SNX29: variants seen among roughly 807,000 people sequenced by gnomAD.
SNX29 encodes the protein sorting nexin-29.
A neutral mutation model predicts 102.1 loss-of-function variants in SNX29; 78 were observed. That is an observed-to-expected ratio of 0.76 (90% CI 0.64 to 0.92). The LOEUF (loss-of-function observed/expected upper bound fraction) is 0.92, where lower values mean the gene tolerates loss of function less well. Among genes scored for constraint, SNX29 ranks in the 40% least tolerant of loss-of-function variants. The probability of loss-of-function intolerance (pLI) is 0.00; values close to 1 mark genes in which losing one functional copy is unlikely to be tolerated. For missense variants in SNX29, 1,280 were observed against 1,061.7 expected, an observed-to-expected ratio of 1.21 and a Z score of -2.86; for synonymous variants, 580 against 414.5, an observed-to-expected ratio of 1.40 and a Z score of -4.85.
At chr16:12,286,820 G>C (rs2151044999) in intron 15 of SNX29, among the ~76,000 whole-genome samples, 1 of 152,132 alleles carries the variant, frequency 6.6e-6, no homozygotes, top group South Asian at 2.1e-4. Flanking sequence ...ATGGTATTTT[G>C]AAGAAAATCC....
intron 14 of SNX29, among the ~76,000 whole-genome samples, chr16:12,209,906 G>T (rs769977706): frequency 2.5e-4 from 38 of 152,216 alleles, no homozygotes; most frequent in Non-Finnish European, 4.7e-4. Context: ...TCTGCGTGGG[G>T]CTGAGAAGGG....
At chr16:12,272,655 A>G (rs1274248728) in intron 14 of SNX29, among the ~76,000 whole-genome samples, 1 of 152,158 alleles carries the variant, frequency 6.6e-6, no homozygotes, top group Non-Finnish European at 1.5e-5. Flanking sequence ...TGTGTCTTTA[A>G]ATCAAAACTT....
intron 11 of SNX29, among the ~76,000 whole-genome samples, chr16:12,109,704 A>G (rs1372439252): frequency 6.6e-6 from 1 of 151,268 alleles, no homozygotes; most frequent in Non-Finnish European, 1.5e-5. Flanking sequence ...AGAAGGCTCA[A>G]GGGTTAACCT....
At chr16:12,552,731 T>TAA (rs1367383022) in intron 20 of SNX29, among the ~76,000 whole-genome samples, 1 of 152,236 alleles carries the variant, frequency 6.6e-6, no homozygotes, top group African/African-American at 2.4e-5. Flanking sequence ...AGAGACATGG[T>TAA]ATCTCCAGTG....
At chr16:12,500,476 T>C (rs1296994220) in intron 19 of SNX29, among the ~76,000 whole-genome samples, 4 of 152,194 alleles carry the variant, frequency 2.6e-5, no homozygotes, top group Admixed American at 2.6e-4. Context: ...CTCCACGGGC[T>C]CCTTTTGCTG....
At chr16:12,407,935 G>T (rs1229370231) in intron 18 of SNX29, among the ~76,000 whole-genome samples, 2 of 152,132 alleles carry the variant, frequency 1.3e-5, no homozygotes, top group Non-Finnish European at 2.9e-5. Flanking sequence ...AGCTACGATT[G>T]CATCTGTGAA....
chr16:12,569,414 G>T lies in SNX29; in HGVS notation c.*785G>T. ...GCCATCAGCAGCAACCTAGTAACCC[G>T]GCGTCATCCAGCGTGTCCAAAGTAG... On this transcript the variant is annotated 3_prime_UTR_variant, in exon 21 of 21. Coordinates refer to ENST00000566228, the MANE Select transcript of SNX29 (RefSeq NM_032167.5). 1 of 230,782 alleles carries T rather than the reference G, an allele frequency of 4.3e-6. No homozygotes were observed. Among genetic ancestry groups the T allele is most frequent in the Non-Finnish European group, 8.6e-6 (1 of 116,576 alleles). 14.3% of individuals were successfully genotyped at this position (230,782 alleles called of 1,614,324 possible). A position where few individuals can be genotyped will look rare whatever the true frequency, so the allele number is the denominator to read the frequency against.
chr16:12,525,250 C>A (rs1003666361), intron 20 of SNX29, among the ~76,000 whole-genome samples: 1 of 151,082 alleles, frequency 6.6e-6, no homozygotes, highest in Non-Finnish European at 1.5e-5. Flanking sequence ...CCAGTATTGA[C>A]TTAAATTATT....
chr16:12,518,355 A>G (rs914039508), intron 19 of SNX29, among the ~76,000 whole-genome samples: 15 of 152,144 alleles, frequency 9.9e-5, no homozygotes, highest in Admixed American at 7.9e-4. Context: ...AAACCCAGCC[A>G]CACCGGCTGC....
rs560761676 is a variant in SNX29 at position 12,572,022 on chromosome 16, A to C, written c.*3393A>C. 2 of 1,062,264 alleles carry C rather than the reference A, an allele frequency of 1.9e-6. No homozygotes were observed. The highest frequency in any genetic ancestry group is 4.6e-5 in the South Asian group (1 of 21,930). The allele number at this position is 1,062,264 out of a possible 1,614,324, so 65.8% of individuals were successfully genotyped here. ...TTGCATCTAGGGAGCTGCTGGCTAT[A>C]AAAGGGATCATCCAGTGGAGTTGTA... On this transcript the variant is annotated 3_prime_UTR_variant, in exon 21 of 21. Coordinates refer to ENST00000566228, the MANE Select transcript of SNX29 (RefSeq NM_032167.5).
chr16:12,025,825 A>G (rs2057175959), intron 3 of SNX29, among the ~76,000 whole-genome samples: 1 of 152,190 alleles, frequency 6.6e-6, no homozygotes, highest in African/African-American at 2.4e-5. Flanking sequence ...GTTTTTCGTG[A>G]TGATATGGGG....
intron 14 of SNX29, among the ~76,000 whole-genome samples, chr16:12,206,384 C>CAAAA (rs59859762): frequency 1.1e-5 from 1 of 92,118 alleles, no homozygotes; most frequent in African/African-American, 4.7e-5. Flanking sequence ...AAATAGCTTT[C>CAAAA]AAAAAAAAAA....
chr16:12,469,341 T>A (rs2087226331), intron 18 of SNX29, among the ~76,000 whole-genome samples: 1 of 152,206 alleles, frequency 6.6e-6, no homozygotes, highest in African/African-American at 2.4e-5. Context: ...CACTTATAGT[T>A]AATAACACAT....
intron 20 of SNX29, chr16:12,546,389 A>G (rs1356095453): frequency 6.8e-6 from 1 of 146,362 alleles, no homozygotes; most frequent in Non-Finnish European, 1.6e-5. Context: ...GTGGAAGGCA[A>G]GGAGCAAGTC....
chr16:12,111,021 T>C (rs897608936), intron 11 of SNX29, among the ~76,000 whole-genome samples: 4 of 152,158 alleles, frequency 2.6e-5, no homozygotes, highest in African/African-American at 9.6e-5. Context: ...TGTAGTGAGC[T>C]ATGTTGCCTC....
chr16:11,978,931 A>C (rs1029523004), intron 1 of SNX29, among the ~76,000 whole-genome samples: 1 of 151,582 alleles, frequency 6.6e-6, no homozygotes, highest in African/African-American at 2.4e-5. Context: ...TCTCAAAACA[A>C]ACAAACAAAC....
intron 1 of SNX29, among the ~76,000 whole-genome samples, chr16:11,995,067 C>T (rs750498617): frequency 6.6e-6 from 1 of 152,106 alleles, no homozygotes; most frequent in African/African-American, 2.4e-5. Context: ...ACCCCCTTCT[C>T]TCTTATTTAT....
intron 11 of SNX29, among the ~76,000 whole-genome samples, chr16:12,079,207 G>A (rs554940216): frequency 1.3e-5 from 2 of 152,362 alleles, no homozygotes; most frequent in East Asian, 3.9e-4. Context: ...GTTAGCTACA[G>A]AGGACCTATT....
At chr16:12,561,058 G>C (rs575738874) in intron 20 of SNX29, 2 of 224,170 alleles carry the variant, frequency 8.9e-6, no homozygotes, top group African/African-American at 2.2e-5. Flanking sequence ...GAGGTAGGAG[G>C]TAAAGGCCTT....
Sources: allele counts gnomAD v4.1 joint callset (sites outside exome capture counted in the v4.1 genomes callset), GRCh38; gene constraint gnomAD v4.1.1; transcripts MANE v1.5; gene names NCBI Gene and HGNC (gene_info 2026-07-23, HGNC 2026-07-21).